PPIL2: variants seen among roughly 807,000 people sequenced by gnomAD.
The protein encoded by PPIL2 is peptidylprolyl isomerase like 2, also known as RING-type E3 ubiquitin-protein ligase PPIL2.
Under a neutral mutation model 75.2 loss-of-function variants are expected in PPIL2, and 50 were observed. The ratio of observed to expected loss-of-function variants is 0.66; its 90% CI spans 0.53 to 0.84. PPIL2 has a LOEUF of 0.84. Among genes scored for constraint, PPIL2 ranks in the 40% least tolerant of loss-of-function variants. The probability of loss-of-function intolerance (pLI) is 0.00; values close to 1 mark genes in which losing one functional copy is unlikely to be tolerated. For missense variants in PPIL2, 590 were observed against 685.0 expected (o/e 0.86, Z 1.55); for synonymous variants, 245 against 258.8 (o/e 0.95, Z 0.51).
At chr22:21,667,243 G>A (rs2066428193) in intron 1 of PPIL2, among the ~76,000 whole-genome samples, 1 of 141,874 alleles carries the variant, frequency 7.0e-6, no homozygotes, top group Non-Finnish European at 1.5e-5. Context: ...CGCAACCTCC[G>A]CTTCCCGGCT....
chr22:21,681,225 C>A (rs2067116714), intron 6 of PPIL2, 74 bp from the exon 7 acceptor site: 13 of 1,242,334 alleles, frequency 1.0e-5, no homozygotes, highest in Non-Finnish European at 1.5e-5. Flanking sequence ...CCTGCCCTGG[C>A]CCTCTGCGGT....
At chr22:21,681,449 T>C (rs1569030040) in intron 7 of PPIL2, 59 bp downstream of exon 7, 1 of 1,441,736 alleles carries the variant, frequency 6.9e-7, no homozygotes, top group Non-Finnish European at 9.7e-7. Context: ...TGTGTGTTCC[T>C]AGTATACACT....
At position 21,686,466 on chromosome 22, in the gene PPIL2, C is replaced by T. The variant is rs1421418286; in HGVS notation, c.715-17C>T. 1 of 1,613,370 alleles carries T rather than the reference C, an allele frequency of 6.2e-7. No individual in the cohort carries two copies. Among genetic ancestry groups the T allele is most frequent in the African/African-American group, 1.3e-5 (1 of 75,022 alleles). On this transcript the variant is annotated splice_polypyrimidine_tract_variant and intron_variant, in intron 10 of 19. Coordinates refer to ENST00000398831, the MANE Select transcript of PPIL2 (RefSeq NM_014337.4). ...TCCCATGGCACTGCTGAGGTGCCACCCTGGTTTCCTTGGCAGGCCCACTAT... is the reference window on the plus strand; with the variant it reads ...TCCCATGGCACTGCTGAGGTGCCACTCTGGTTTCCTTGGCAGGCCCACTAT...
At position 21,682,504 on chromosome 22, in the gene PPIL2, G is replaced by A. The variant is rs747111344; in HGVS notation, c.455G>A (p.Arg152Gln). ...CTGCTGACCGACGAGCCCTTCTCCCGGCAGGACATCATCACCCTCCAGGTG... is the reference window on the plus strand; with the variant it reads ...CTGCTGACCGACGAGCCCTTCTCCCAGCAGGACATCATCACCCTCCAGGTG... ...RDLLTDEPFS[R>Q]QDIITLQDPT... is the part of the protein sequence containing the mutation. Residue 152 changes from arginine to glutamine, a missense_variant, in exon 8 of 20, where the codon CGG (arginine) becomes CAG (glutamine). Transcript: ENST00000398831. 15 of 1,597,082 alleles carry A rather than the reference G, an allele frequency of 9.4e-6. No individual in the cohort carries two copies. Among genetic ancestry groups the A allele is most frequent in the African/African-American group, 7.0e-5 (5 of 71,942 alleles).
At chr22:21,683,908 A>C (rs2067232226) in intron 9 of PPIL2, among the ~76,000 whole-genome samples, 1 of 152,152 alleles carries the variant, frequency 6.6e-6, no homozygotes, top group Admixed American at 6.5e-5. Flanking sequence ...ATAACCTTTA[A>C]AATTACAGAA....
chr22:21,683,081 C>T lies in PPIL2; in HGVS notation c.478-101C>T. The T allele has an allele frequency of 6.0e-6, 6 of 996,546 alleles. No individual in the cohort carries two copies. In the Admixed American group the frequency reaches 6.8e-5, roughly 11 times the overall value. 61.7% of individuals were successfully genotyped at this position (996,546 alleles called of 1,614,324 possible). A position where few individuals can be genotyped will look rare whatever the true frequency, so the allele number is the denominator to read the frequency against. On this transcript the variant is annotated intron_variant, in intron 8 of 19. Coordinates refer to ENST00000398831, the MANE Select transcript of PPIL2 (RefSeq NM_014337.4). ...TCCCCCAACCTCAGTGTAGCCCTGG[C>T]CTCTTCCACACCTCTGACAGCTGGC...
At chr22:21,698,637 A>T (rs1238175019), downstream of PPIL2, 1 of 152,372 alleles carries the variant, frequency 6.6e-6, no homozygotes, top group East Asian at 1.9e-4. Flanking sequence ...GTTTTCAGTG[A>T]ACTCCTTCTT....
rs1569018436 is a variant in PPIL2 at position 21,670,631 on chromosome 22, A to G, written c.128+20A>G. 8.1e-6 allele frequency: 13 copies of G among 1,597,894 alleles called. No homozygotes were observed. The highest frequency in any genetic ancestry group is 1.0e-5 in the Non-Finnish European group (12 of 1,165,324). ...CTGCAGGTAAGAGTTTTGCGAGTTT[A>G]CCTTTCCCTTGTAATTGTTCTCTGA... On this transcript the variant is annotated intron_variant, in intron 3 of 19. Coordinates refer to ENST00000398831, the MANE Select transcript of PPIL2 (RefSeq NM_014337.4).
rs2148558756 is a variant in PPIL2 at position 21,688,797 on chromosome 22, C to T, written c.1087C>T (p.Arg363Cys). 4.3e-6 allele frequency: 7 copies of T among 1,614,196 alleles called. No individual in the cohort carries two copies. Among genetic ancestry groups the T allele is most frequent in the Non-Finnish European group, 5.9e-6 (7 of 1,180,036 alleles). The stretch of plus-strand genomic sequence containing the variant: ...CCGGCCCAACCTCTCGCACACGGGC[C>T]GCGGCATCCTCAGCATGGCCAACTC... ...EFRPNLSHTG[R>C]GILSMANSGP... Residue 363 changes from arginine (R) to cysteine (C), a missense_variant, in exon 15 of 20, where the codon CGC (arginine) becomes TGC (cysteine). Coordinates refer to ENST00000398831, the MANE Select transcript of PPIL2 (RefSeq NM_014337.4).
Position 21,697,157 on chromosome 22 carries a change from C to T in PPIL2, c.*1667C>T, listed in dbSNP as rs2067970329. ...GGCAGTAACTGGCTTGTAAGAGGCT[C>T]AGACACCAAGCTGGGCCTGCAGAGG... On this transcript the variant is annotated 3_prime_UTR_variant, in exon 20 of 20. Coordinates refer to ENST00000398831, the MANE Select transcript of PPIL2 (RefSeq NM_014337.4). 7.2e-6 allele frequency: 5 copies of T among 697,736 alleles called. No individual in the cohort carries two copies. Among genetic ancestry groups the T allele is most frequent in the Non-Finnish European group, 7.1e-6 (3 of 424,780 alleles). 43.2% of individuals were successfully genotyped at this position (697,736 alleles called of 1,614,324 possible). A position where few individuals can be genotyped will look rare whatever the true frequency, so the allele number is the denominator to read the frequency against.
rs1396064048 is a variant in PPIL2 at position 21,666,186 on chromosome 22, G to A, written c.32+55G>A. ...TCCACTCTGCCTCAGTGAACCGCCT[G>A]TCCCGCACTGCGCGCCGCTCGCCTT... On this transcript the variant is annotated intron_variant, in intron 1 of 19. Coordinates refer to ENST00000398831, the MANE Select transcript of PPIL2 (RefSeq NM_014337.4). 1.9e-6 allele frequency: 3 copies of A among 1,556,844 alleles called. No homozygotes were observed. In the East Asian group the frequency reaches 6.9e-5, roughly 36 times the overall value.
Position 21,687,446 on chromosome 22 carries a change from G to A in PPIL2, c.898-197G>A, listed in dbSNP as rs904572602. Among the ~76,000 whole-genome samples the A allele has an allele frequency of 1.6e-4, 25 of 151,880 alleles. No homozygotes were observed. Among genetic ancestry groups the A allele is most frequent in the Non-Finnish European group, 5.9e-5 (4 of 67,964 alleles). ...CGCATGCCTGTAGTCCTGGCTACTC[G>A]GGAGGCTGAGGCAGGAGAATGTCTT... On this transcript the variant is annotated intron_variant, in intron 12 of 19. Coordinates refer to ENST00000398831, the MANE Select transcript of PPIL2 (RefSeq NM_014337.4).
intron 15 of PPIL2, among the ~76,000 whole-genome samples, chr22:21,692,788 T>C (rs1340570112): frequency 6.6e-6 from 1 of 151,338 alleles, no homozygotes; most frequent in Non-Finnish European, 1.5e-5. Context: ...TAGCTGGGCG[T>C]GATGGCGGGC....
chr22:21,673,034 GCTC>G (rs1423978304), intron 5 of PPIL2, among the ~76,000 whole-genome samples: 1 of 152,226 alleles, frequency 6.6e-6, no homozygotes, highest in Non-Finnish European at 1.5e-5. Flanking sequence ...TGGAGTTGGT[GCTC>G]CTCCAAGGCT....
At chr22:21,698,242 G>GTGTT (rs1555902239), downstream of PPIL2, 1 of 133,536 alleles carries the variant, frequency 7.5e-6, no homozygotes, top group Non-Finnish European at 1.6e-5. Context: ...AGTGATAAAA[G>GTGTT]TGTTGTTGGT....
chr22:21,685,010 C>G, intron 10 of PPIL2, 97 bp downstream of exon 10: 3 of 1,477,508 alleles, frequency 2.0e-6, no homozygotes, highest in Non-Finnish European at 2.7e-6. Flanking sequence ...TCATGGGGGC[C>G]TGGGATACAC....
At chr22:21,672,290 A>G (rs1388221501) in intron 4 of PPIL2, 40 bp from the exon 5 acceptor site, 11 of 1,573,500 alleles carry the variant, frequency 7.0e-6, no homozygotes, top group Non-Finnish European at 8.7e-6. Flanking sequence ...GGTGGCGCCT[A>G]AGCACCCTGG....
chr22:21,681,486 C>A, intron 7 of PPIL2, 96 bp downstream of exon 7: 1 of 1,126,858 alleles, frequency 8.9e-7, no homozygotes, highest in Non-Finnish European at 1.3e-6. Context: ...ACGTGTACGG[C>A]CTGTCCTCGT....
At chr22:21,688,697 A>C (rs558363982) in intron 14 of PPIL2, 35 bp from the exon 15 acceptor site, 1 of 1,601,502 alleles carries the variant, frequency 6.2e-7, no homozygotes, top group East Asian at 2.2e-5. Context: ...GCTGGGGCCC[A>C]GGCTTTCCTG....
Sources: allele counts gnomAD v4.1 joint callset (sites outside exome capture counted in the v4.1 genomes callset), GRCh38; gene constraint gnomAD v4.1.1; transcripts MANE v1.5; gene names NCBI Gene and HGNC (gene_info 2026-07-23, HGNC 2026-07-21).